Variants in NXPH1 observed in about 807,000 individuals in gnomAD.
NXPH1 encodes neurexophilin 1.
In NXPH1, 5 loss-of-function variants were observed where a neutral mutation model predicts 23.7. The ratio of observed to expected loss-of-function variants is 0.21; its 90% CI spans 0.11 to 0.44. NXPH1 has a LOEUF of 0.44. Ranked by LOEUF, NXPH1 falls within the 20% of genes least tolerant of loss-of-function variation. The pLI is 0.99. For missense variants in NXPH1, 324 were observed against 321.6 expected, an observed-to-expected ratio of 1.01 and a Z score of -0.06; for synonymous variants, 144 against 122.2, an observed-to-expected ratio of 1.18 and a Z score of -1.18.
At chr7:8,750,490 C>T (rs1360458832) in intron 2 of NXPH1, among the ~76,000 whole-genome samples, 1 of 152,076 alleles carries the variant, frequency 6.6e-6, no homozygotes, top group African/African-American at 2.4e-5. Context: ...CTGTTTGCCT[C>T]TCTGTGTCCA....
chr7:8,695,778 G>T (rs1821299744), intron 2 of NXPH1, among the ~76,000 whole-genome samples: 1 of 152,142 alleles, frequency 6.6e-6, no homozygotes, highest in South Asian at 2.1e-4. Context: ...TTAAGATTCA[G>T]ATTGTTGAAT....
rs76261956 is a variant in NXPH1, at chr7:8,623,277, T to C, written c.55-127731T>C. ...GAGAAGAGTAGAGACAAAGGTTCAT[T>C]TGTTATAGAAAATACTGGGGAAATT... On this transcript the variant is annotated intron_variant, in intron 2 of 2. Transcript: ENST00000405863. Among the ~76,000 whole-genome samples the C allele has an allele frequency of 1.2e-3, 183 of 152,198 alleles. 1 individual carries two copies. The East Asian group carries it at 0.027, about 22-fold the overall frequency.
chr7:8,603,428 G>A (rs914004926), intron 2 of NXPH1, among the ~76,000 whole-genome samples: 14 of 149,976 alleles, frequency 9.3e-5, no homozygotes, highest in Admixed American at 2.0e-4. Context: ...TTGTTTTTTT[G>A]CTCAGCTGGA....
intron 2 of NXPH1, among the ~76,000 whole-genome samples, chr7:8,514,979 G>A (rs1185670612): frequency 1.3e-5 from 2 of 152,062 alleles, no homozygotes; most frequent in African/African-American, 2.4e-5. Flanking sequence ...TGCATACTTA[G>A]TGCCTTTTCT....
intron 2 of NXPH1, among the ~76,000 whole-genome samples, chr7:8,572,423 T>A (rs560669322): frequency 6.6e-6 from 1 of 152,138 alleles, no homozygotes; most frequent in South Asian, 2.1e-4. Flanking sequence ...TGATTTTTCT[T>A]CCTGTGCTTA....
intron 2 of NXPH1, among the ~76,000 whole-genome samples, chr7:8,680,926 A>G (rs1172532368): frequency 6.6e-6 from 1 of 152,244 alleles, no homozygotes; most frequent in African/African-American, 2.4e-5. Context: ...AGGTATCAGC[A>G]ACCTTCTGAA....
rs574835062 is a variant in NXPH1, at chr7:8,626,514, T to G, written c.55-124494T>G. 2.4e-4 allele frequency among the ~76,000 whole-genome samples: 37 copies of G among 152,134 alleles called. No homozygotes were observed. The South Asian group carries it at 6.7e-3, about 27-fold the overall frequency. On this transcript the variant is annotated intron_variant, in intron 2 of 2. Transcript: ENST00000405863. ...CCATGAGGGACTCCTTTCCAAGCAC[T>G]TGAATTTTCATTTTTTTTCTTTTAA...
intron 2 of NXPH1, among the ~76,000 whole-genome samples, chr7:8,522,794 C>A (rs767182390): frequency 1.6e-4 from 24 of 152,186 alleles, no homozygotes; most frequent in Non-Finnish European, 2.9e-4. Flanking sequence ...GCCCTAGGTG[C>A]ACCCTGTCCT....
intron 2 of NXPH1, among the ~76,000 whole-genome samples, chr7:8,533,350 C>T (rs903337760): frequency 6.6e-6 from 1 of 152,028 alleles, no homozygotes; most frequent in Admixed American, 6.6e-5. Context: ...TGAAAGGACT[C>T]TTAACCTATG....
intron 2 of NXPH1, among the ~76,000 whole-genome samples, chr7:8,684,407 G>A (rs936735522): frequency 2.6e-5 from 4 of 152,088 alleles, no homozygotes; most frequent in African/African-American, 9.6e-5. Context: ...CTACTTTGTT[G>A]ACTGTTTTCT....
intron 2 of NXPH1, among the ~76,000 whole-genome samples, chr7:8,475,822 T>C (rs1450112051): frequency 6.6e-6 from 1 of 152,222 alleles, no homozygotes; most frequent in Non-Finnish European, 1.5e-5. Context: ...CTAAGCCATT[T>C]GATTGAAGTA....
rs17151472 is a variant in NXPH1 at position 8,573,909 on chromosome 7, A to C, written c.54+138142A>C. On this transcript the variant is annotated intron_variant, in intron 2 of 2. Coordinates refer to ENST00000405863, the MANE Select transcript of NXPH1 (RefSeq NM_152745.3). ...TTTACACACTTCTGTCAGTGACTAC[A>C]TAAAGCTCCTGGAAGGTAAAAAGTG... is the stretch of plus-strand genomic sequence containing the variant. Among the ~76,000 whole-genome samples the C allele has an allele frequency of 2.8e-3, 419 of 152,260 alleles. 1 individual carries two copies. Among genetic ancestry groups the C allele is most frequent in the African/African-American group, 9.6e-3 (400 of 41,546 alleles).
intron 2 of NXPH1, among the ~76,000 whole-genome samples, chr7:8,465,025 G>A (rs1310051027): frequency 6.6e-6 from 1 of 152,192 alleles, no homozygotes; most frequent in Non-Finnish European, 1.5e-5. Context: ...GAGAGAAGGA[G>A]ACACGAAGAC....
At chr7:8,529,930 A>G (rs1215074654) in intron 2 of NXPH1, among the ~76,000 whole-genome samples, 2 of 152,200 alleles carry the variant, frequency 1.3e-5, no homozygotes, top group Non-Finnish European at 2.9e-5. Context: ...TTTAAAATGA[A>G]GATTATGTTA....
chr7:8,727,546 T>C (rs112385128), intron 2 of NXPH1, among the ~76,000 whole-genome samples: 34,288 of 151,352 alleles, frequency 0.23, 4,629 homozygotes, highest in African/African-American at 0.38. Context: ...AGTTTCAGCT[T>C]TCTACATATT....
intron 2 of NXPH1, among the ~76,000 whole-genome samples, chr7:8,659,567 C>T (rs1820636891): frequency 6.6e-6 from 1 of 152,120 alleles, no homozygotes; most frequent in South Asian, 2.1e-4. Flanking sequence ...GAACATCACA[C>T]ACCGGGGCCT....
chr7:8,646,861 T>A (rs941652824), intron 2 of NXPH1, among the ~76,000 whole-genome samples: 1 of 75,998 alleles, frequency 1.3e-5, no homozygotes, highest in East Asian at 5.5e-3. Context: ...CAGGTTTCTG[T>A]CATTTTTTTT....
chr7:8,743,747 G>A (rs1780410519), intron 2 of NXPH1, among the ~76,000 whole-genome samples: 1 of 149,418 alleles, frequency 6.7e-6, no homozygotes, highest in Non-Finnish European at 1.5e-5. Flanking sequence ...GCAGTGGCGT[G>A]ATCTTGGTTC....
chr7:8,701,405 C>A (rs1480165128), intron 2 of NXPH1, among the ~76,000 whole-genome samples: 1 of 151,980 alleles, frequency 6.6e-6, no homozygotes, highest in African/African-American at 2.4e-5. Flanking sequence ...CCTGTGGCTG[C>A]CTGTTCCCTC....
Sources: gnomAD v4.1 joint callset for allele counts (sites outside exome capture counted in the v4.1 genomes callset) on GRCh38, gnomAD v4.1.1 for gene constraint, MANE v1.5 for transcripts, NCBI Gene and HGNC (gene_info 2026-07-23, HGNC 2026-07-21) for gene names.